R3HDM1: variants seen among roughly 807,000 people sequenced by gnomAD.
R3HDM1 encodes the protein R3H domain-containing protein 1.
R3HDM1 carries 46 observed loss-of-function variants against 141.1 expected under a neutral mutation model. The observed-to-expected ratio is 0.33, with a 90% CI of 0.26 to 0.42. R3HDM1 has a LOEUF of 0.42. R3HDM1 is among the 10% of genes least tolerant of loss of function. The probability of loss-of-function intolerance (pLI) is 1.00; values close to 1 mark genes in which losing one functional copy is unlikely to be tolerated. For missense variants in R3HDM1, 1,184 were observed against 1,368.3 expected (o/e 0.87, Z 2.12); for synonymous variants, 435 against 472.9 (o/e 0.92, Z 1.04).
intron 7 of R3HDM1, among the ~76,000 whole-genome samples, chr2:135,626,587 A>C (rs2062077584): frequency 6.6e-6 from 1 of 152,190 alleles, no homozygotes; most frequent in African/African-American, 2.4e-5. Flanking sequence ...CAAAGATTAT[A>C]AATCCATTTT....
At chr2:135,595,168 C>A (rs1276455996) in intron 1 of R3HDM1, among the ~76,000 whole-genome samples, 1 of 152,178 alleles carries the variant, frequency 6.6e-6, no homozygotes, top group Non-Finnish European at 1.5e-5. Flanking sequence ...TTAAAATTAA[C>A]TGTAGGCAAA....
chr2:135,650,850 A>G (rs1334255944), intron 17 of R3HDM1: 13 of 985,354 alleles, frequency 1.3e-5, no homozygotes, highest in Non-Finnish European at 1.4e-5. Context: ...TGATGACTCA[A>G]TTGCCACAAT....
intron 18 of R3HDM1, among the ~76,000 whole-genome samples, chr2:135,660,953 G>T (rs1431818273): frequency 6.6e-6 from 1 of 151,958 alleles, no homozygotes; most frequent in African/African-American, 2.4e-5. Flanking sequence ...CAGAATAATG[G>T]CTTCTATGGA....
intron 24 of R3HDM1, among the ~76,000 whole-genome samples, chr2:135,719,592 G>A (rs2076511737): frequency 6.6e-6 from 1 of 152,076 alleles, no homozygotes; most frequent in African/African-American, 2.4e-5. Context: ...ACAAAGCAGG[G>A]GTGATCACAG....
chr2:135,624,191 C>G (rs1167962606), intron 7 of R3HDM1, among the ~76,000 whole-genome samples: 1 of 151,974 alleles, frequency 6.6e-6, no homozygotes, highest in South Asian at 2.1e-4. Flanking sequence ...GTCAGGAGAT[C>G]GAGACCATCC....
Position 135,652,027 on chromosome 2 carries a change from C to A in R3HDM1, c.2023C>A (p.Pro675Thr). The change falls in exon 18 of 27, where the codon CCA becomes ACA. Residue 675 changes from proline to threonine, a missense_variant. Coordinates refer to ENST00000683871, the MANE Select transcript of R3HDM1 (RefSeq NM_001378107.1). ...QQQGYIQQPS[P>T]QMPACYCAPG... The stretch of plus-strand genomic sequence containing the variant: ...GCAGGGATATATTCAGCAGCCATCA[C>A]CACAGGTATATTGCTTTTTAACCTT... The A allele has an allele frequency of 6.3e-7, 1 of 1,582,446 alleles. No homozygotes were observed. The highest frequency in any genetic ancestry group is 2.2e-5 in the East Asian group (1 of 44,508).
At chr2:135,677,943 C>G (rs1489292552) in intron 20 of R3HDM1, among the ~76,000 whole-genome samples, 3 of 151,782 alleles carry the variant, frequency 2.0e-5, no homozygotes, top group Non-Finnish European at 2.9e-5. Flanking sequence ...CTCGCTCGCT[C>G]TCTCTCCCCC....
At chr2:135,624,603 G>A (rs1337266453) in intron 7 of R3HDM1, among the ~76,000 whole-genome samples, 1 of 152,138 alleles carries the variant, frequency 6.6e-6, no homozygotes, top group Non-Finnish European at 1.5e-5. Flanking sequence ...GATGAACCAC[G>A]AAAAATTGTC....
At chr2:135,555,753 G>A (rs921453988) in intron 1 of R3HDM1, among the ~76,000 whole-genome samples, 1 of 152,138 alleles carries the variant, frequency 6.6e-6, no homozygotes, top group South Asian at 2.1e-4. Context: ...AGGGCCAGGC[G>A]AGTGGCTCAT....
chr2:135,561,226 A>T, intron 1 of R3HDM1: 2 of 843,358 alleles, frequency 2.4e-6, no homozygotes. Flanking sequence ...TGTTCCATTG[A>T]TGGACAACTT....
chr2:135,535,226 C>T (rs934174443), intron 1 of R3HDM1, among the ~76,000 whole-genome samples: 4 of 152,044 alleles, frequency 2.6e-5, no homozygotes, highest in Non-Finnish European at 5.9e-5. Context: ...AAGGGCCAGG[C>T]GGGGTGGCTC....
At chr2:135,694,025 T>C (rs1177514321) in intron 21 of R3HDM1, among the ~76,000 whole-genome samples, 1 of 152,082 alleles carries the variant, frequency 6.6e-6, no homozygotes, top group East Asian at 1.9e-4. Flanking sequence ...AAATAATTAA[T>C]TTAACATGAG....
At chr2:135,536,473 C>T in intron 1 of R3HDM1, 3 of 844,284 alleles carry the variant, frequency 3.6e-6, no homozygotes, top group Non-Finnish European at 4.3e-6. Context: ...GATTGCACAG[C>T]ATGTTTAAAT....
intron 7 of R3HDM1, chr2:135,623,167 GT>G: frequency 2.4e-6 from 1 of 412,322 alleles, no homozygotes; most frequent in Non-Finnish European, 3.3e-6. Context: ...TTTTTGAGGT[GT>G]TTATTTGAGT....
chr2:135,633,812 A>T (rs551750976), intron 9 of R3HDM1: 1 of 152,320 alleles, frequency 6.6e-6, no homozygotes, highest in African/African-American at 2.4e-5. Flanking sequence ...AAATTCAGGC[A>T]TCTATAAAAG....
intron 1 of R3HDM1, chr2:135,566,918 G>GC (rs1323111847): frequency 1.0e-5 from 2 of 192,136 alleles, no homozygotes; most frequent in Non-Finnish European, 1.9e-5. Flanking sequence ...GTTGCACTGA[G>GC]CCGAGTACTG....
chr2:135,671,860 C>T (rs2105334175), intron 19 of R3HDM1, among the ~76,000 whole-genome samples: 1 of 151,934 alleles, frequency 6.6e-6, no homozygotes, highest in African/African-American at 2.4e-5. Flanking sequence ...CCTGTAATTC[C>T]AGCTACTCGG....
At chr2:135,635,784 G>A in intron 9 of R3HDM1, 106 bp from the exon 10 acceptor site, 1 of 1,383,078 alleles carries the variant, frequency 7.2e-7, no homozygotes, top group East Asian at 2.4e-5. Flanking sequence ...GCACTAAAAA[G>A]TGGTAACTTA....
At chr2:135,608,398 T>A (rs2060260297) in intron 3 of R3HDM1, among the ~76,000 whole-genome samples, 1 of 152,072 alleles carries the variant, frequency 6.6e-6, no homozygotes, top group Non-Finnish European at 1.5e-5. Flanking sequence ...CCCAAAATGC[T>A]TTCATCCAAG....
Sources: gnomAD v4.1 joint callset for allele counts (sites outside exome capture counted in the v4.1 genomes callset) on GRCh38, gnomAD v4.1.1 for gene constraint, MANE v1.5 for transcripts, NCBI Gene and HGNC (gene_info 2026-07-23, HGNC 2026-07-21) for gene names.